FAIM2: variants seen among roughly 807,000 people sequenced by gnomAD.
FAIM2 encodes the protein Fas apoptotic inhibitory molecule 2.
In FAIM2, 27 loss-of-function variants were observed where a neutral mutation model predicts 47.4. That is an observed-to-expected ratio of 0.57 (90% CI 0.42 to 0.78). The LOEUF (loss-of-function observed/expected upper bound fraction) is 0.78. FAIM2 is among the 30% of genes least tolerant of loss of function. The pLI, the probability that FAIM2 is intolerant of heterozygous loss-of-function variation, is 0.00. For missense variants in FAIM2, 311 were observed against 389.4 expected (o/e 0.80, Z 1.69); for synonymous variants, 156 against 159.3 (o/e 0.98, Z 0.16).
chr12:49,890,511 A>G (rs1946892758), intron 7 of FAIM2, among the ~76,000 whole-genome samples, 172 bp downstream of exon 7: 1 of 152,218 alleles, frequency 6.6e-6, no homozygotes, highest in Admixed American at 6.5e-5. Context: ...CCATTTGGAA[A>G]GAGAAGATGG....
intron 2 of FAIM2, among the ~76,000 whole-genome samples, chr12:49,898,677 C>T (rs995921857): frequency 5.3e-5 from 8 of 152,180 alleles, no homozygotes; most frequent in African/African-American, 1.9e-4. Flanking sequence ...CAGGTGCACA[C>T]CATCACGCCT....
In FAIM2 at chr12:49,887,376, C is replaced by A. The variant is rs776022293; in HGVS notation, c.801+10G>T. ...GGAAGGAGGCTGCCAAGGAGCTAGA[C>A]CACACTCACCAATGTAAATACACCC... On this transcript the variant is annotated intron_variant, in intron 11 of 11. Transcript: ENST00000320634. 1.9e-6 allele frequency: 3 copies of A among 1,608,824 alleles called. No individual in the cohort carries two copies. The highest frequency in any genetic ancestry group is 2.5e-6 in the Non-Finnish European group (3 of 1,177,226).
At position 49,880,777 on chromosome 12, in the gene FAIM2, TGA is replaced by T. The variant is rs918133699; in HGVS notation, c.801+6607_801+6608del. ...GTGCGCATGTGGGTATGTGTGTATA[TGA>T]GTGTGTATGTATATGTGTTTGTGCA... On this transcript the variant is annotated intron_variant, in intron 11 of 11. Transcript: ENST00000320634. Among the ~76,000 whole-genome samples the T allele has an allele frequency of 5.3e-4, 80 of 152,094 alleles. 1 individual carries two copies. Among genetic ancestry groups the T allele is most frequent in the Admixed American group, 4.8e-3 (73 of 15,276 alleles).
At chr12:49,896,562 GA>G (rs1565619691) in intron 5 of FAIM2, among the ~76,000 whole-genome samples, 1 of 152,180 alleles carries the variant, frequency 6.6e-6, no homozygotes, top group African/African-American at 2.4e-5. Flanking sequence ...TGTGAGGACC[GA>G]ATGCAATACT....
At chr12:49,895,965 C>T (rs1213254207) in intron 5 of FAIM2, among the ~76,000 whole-genome samples, 1 of 152,228 alleles carries the variant, frequency 6.6e-6, no homozygotes, top group Middle Eastern at 3.2e-3. Flanking sequence ...TCCCAGTTTA[C>T]CAAATGTACC....
intron 2 of FAIM2, 57 bp downstream of exon 2, chr12:49,901,073 C>T: frequency 7.1e-7 from 1 of 1,403,450 alleles, no homozygotes; most frequent in South Asian, 1.4e-5. Context: ...TCAGGTTTTC[C>T]CTCTGGGTCC....
intron 5 of FAIM2, among the ~76,000 whole-genome samples, chr12:49,896,517 A>C (rs1279597471): frequency 6.6e-6 from 1 of 152,146 alleles, no homozygotes; most frequent in Non-Finnish European, 1.5e-5. Context: ...CATTTCTCTG[A>C]ACCTTAATTT....
chr12:49,901,202 T>A lies in FAIM2; in HGVS notation c.139A>T (p.Met47Leu), dbSNP rs141127240. The A allele has an allele frequency of 1.2e-6, 2 of 1,611,390 alleles. No homozygotes were observed. The highest frequency in any genetic ancestry group is 1.3e-5 in the African/African-American group (1 of 74,766). ...SYEEATSGEG[M>L]KAGAFPPAPT... ...GCTGGGGGGAAGGCCCCTGCCTTCA[T>A]CCCCTCCCCAGAGGTGGCTTCCTCA... is the stretch of plus-strand genomic sequence containing the variant. Residue 47 changes from methionine to leucine, a missense_variant, in exon 2 of 12, where the codon ATG becomes TTG. By Grantham distance (15) the Met-to-Leu change is conservative. Transcript: ENST00000320634.
intron 5 of FAIM2, among the ~76,000 whole-genome samples, chr12:49,896,382 G>T (rs889586229): frequency 6.6e-6 from 1 of 152,154 alleles, no homozygotes; most frequent in Non-Finnish European, 1.5e-5. Flanking sequence ...AGCAGGAGCC[G>T]AGTGGCTCGA....
In FAIM2 at chr12:49,903,831, T is replaced by G. The variant is rs1452045246; in HGVS notation, c.-39A>C. 1 of 1,523,640 alleles carries G rather than the reference T, an allele frequency of 6.6e-7. No homozygotes were observed. Among genetic ancestry groups the G allele is most frequent in the Non-Finnish European group, 8.8e-7 (1 of 1,133,938 alleles). 94.4% of individuals were successfully genotyped at this position (1,523,640 alleles called of 1,614,324 possible). On this transcript the variant is annotated 5_prime_UTR_variant, in exon 1 of 12. Coordinates refer to ENST00000320634, the MANE Select transcript of FAIM2 (RefSeq NM_012306.4). ...GGGGAAGGGGTCCCTGAGGCCCGGG[T>G]GGCCGCTTGGGTAACCGCAGCCTGC... is the stretch of plus-strand genomic sequence containing the variant.
chr12:49,901,704 G>A (rs936520691), intron 1 of FAIM2: 3 of 163,070 alleles, frequency 1.8e-5, no homozygotes, highest in African/African-American at 7.2e-5. Flanking sequence ...CCTGAGACTT[G>A]CTAGCTGCAT....
chr12:49,890,553 ACCCCTGC>A (rs1946893016), intron 7 of FAIM2, 123 bp downstream of exon 7: 1 of 828,968 alleles, frequency 1.2e-6, no homozygotes, highest in African/African-American at 1.7e-5. Flanking sequence ...GGGTGAAAAC[ACCCCTGC>A]CCCGCCAGGG....
chr12:49,880,451 CATGTGT>C (rs1366614589), intron 11 of FAIM2, among the ~76,000 whole-genome samples: 1 of 60,974 alleles, frequency 1.6e-5, no homozygotes, highest in Non-Finnish European at 3.0e-5. Flanking sequence ...TGTGTATGTG[CATGTGT>C]ATGTGTGTGT....
chr12:49,885,636 T>C (rs1346773718), intron 11 of FAIM2, among the ~76,000 whole-genome samples: 1 of 152,158 alleles, frequency 6.6e-6, no homozygotes, highest in Admixed American at 6.5e-5. Flanking sequence ...AAGTCCTAGG[T>C]AGCCTGGGGT....
intron 11 of FAIM2, among the ~76,000 whole-genome samples, chr12:49,881,309 G>A (rs1380901738): frequency 6.6e-6 from 1 of 152,162 alleles, no homozygotes; most frequent in African/African-American, 2.4e-5. Flanking sequence ...AACTGTCAGT[G>A]GCTCCCAAGG....
At chr12:49,893,025 A>G (rs1012106412) in intron 5 of FAIM2, among the ~76,000 whole-genome samples, 1 of 152,130 alleles carries the variant, frequency 6.6e-6, no homozygotes, top group Admixed American at 6.5e-5. Context: ...CAGTTATCAA[A>G]GCTGCCCTCT....
Position 49,868,248 on chromosome 12 carries a change from G to A in FAIM2, c.*2256C>T, listed in dbSNP as rs925464859. 2.6e-5 allele frequency: 4 copies of A among 152,434 alleles called. No homozygotes were observed. In the East Asian group the frequency reaches 5.8e-4, roughly 22 times the overall value. 9.4% of individuals were successfully genotyped at this position (152,434 alleles called of 1,614,324 possible). ...GGCCCGGAGGAGAGGAGGTGGAGGA[G>A]GGTGGGAACCGGGTGAGAAAGTCAG... On this transcript the variant is annotated 3_prime_UTR_variant, in exon 12 of 12. Coordinates refer to ENST00000320634, the MANE Select transcript of FAIM2 (RefSeq NM_012306.4).
At chr12:49,885,402 G>T (rs919424358) in intron 11 of FAIM2, among the ~76,000 whole-genome samples, 16 of 152,174 alleles carry the variant, frequency 1.1e-4, no homozygotes, top group African/African-American at 3.9e-4. Context: ...GGGCCTCCAG[G>T]CGCTGTTGCC....
intron 5 of FAIM2, 50 bp from the exon 6 acceptor site, chr12:49,891,164 T>A: frequency 6.6e-7 from 1 of 1,521,958 alleles, no homozygotes. Flanking sequence ...CCTGGGTCCC[T>A]CCCCCAAGAT....
Sources: allele counts gnomAD v4.1 joint callset (sites outside exome capture counted in the v4.1 genomes callset), GRCh38; gene constraint gnomAD v4.1.1; transcripts MANE v1.5; gene names NCBI Gene and HGNC (gene_info 2026-07-23, HGNC 2026-07-21).